The following SMARCC1 variants were observed in gnomAD, a reference collection of about 807,000 sequenced individuals.
SMARCC1 encodes the protein SWI/SNF related BAF chromatin remodeling complex subunit C1.
In SMARCC1, 43 loss-of-function variants were observed where a neutral mutation model predicts 147.4. The ratio of observed to expected loss-of-function variants is 0.29; its 90% CI spans 0.23 to 0.38. The LOEUF (loss-of-function observed/expected upper bound fraction) is 0.38. Ranked by LOEUF, SMARCC1 falls within the 10% of genes least tolerant of loss-of-function variation. The pLI is 1.00. For synonymous variants in SMARCC1, 495 were observed against 484.4 expected, an observed-to-expected ratio of 1.02 and a Z score of -0.29; for missense variants, 1,119 against 1,381.1, an observed-to-expected ratio of 0.81 and a Z score of 3.01.
intron 27 of SMARCC1, among the ~76,000 whole-genome samples, chr3:47,590,372 C>G (rs2108222945): frequency 6.6e-6 from 1 of 152,326 alleles, no homozygotes; most frequent in South Asian, 2.1e-4. Context: ...AGAGTCATAA[C>G]AAGACAGGCT....
At chr3:47,696,821 C>T (rs779483472) in intron 11 of SMARCC1, among the ~76,000 whole-genome samples, 15 of 152,086 alleles carry the variant, frequency 9.9e-5, no homozygotes, top group Non-Finnish European at 1.9e-4. Flanking sequence ...CCGCGCCCAG[C>T]CAAGTGTGAA....
chr3:47,740,628 T>C (rs749229293), intron 3 of SMARCC1, among the ~76,000 whole-genome samples: 10 of 152,060 alleles, frequency 6.6e-5, no homozygotes, highest in Non-Finnish European at 1.0e-4. Flanking sequence ...CATGAGCCAG[T>C]GCGCCGGCCT....
intron 26 of SMARCC1, among the ~76,000 whole-genome samples, chr3:47,602,973 G>C (rs565528486): frequency 1.3e-5 from 2 of 152,138 alleles, no homozygotes; most frequent in East Asian, 3.9e-4. Flanking sequence ...AACATAGTGA[G>C]ACCTTGTCTC....
intron 26 of SMARCC1, among the ~76,000 whole-genome samples, chr3:47,608,353 C>T (rs2032511233): frequency 6.6e-6 from 1 of 152,184 alleles, no homozygotes; most frequent in Admixed American, 6.5e-5. Context: ...TCCCAAAGTG[C>T]TGGAATTACA....
intron 19 of SMARCC1, among the ~76,000 whole-genome samples, chr3:47,668,975 T>C (rs2033460007): frequency 6.6e-6 from 1 of 152,234 alleles, no homozygotes; most frequent in Non-Finnish European, 1.5e-5. Context: ...AGAGACTATA[T>C]TTGATTATAA....
chr3:47,737,103 T>G (rs925355395), intron 4 of SMARCC1, among the ~76,000 whole-genome samples: 1 of 152,132 alleles, frequency 6.6e-6, no homozygotes, highest in Non-Finnish European at 1.5e-5. Flanking sequence ...CTAAATAAAA[T>G]GAAGGCAGGC....
chr3:47,707,728 A>G (rs1234749647), intron 9 of SMARCC1, among the ~76,000 whole-genome samples: 2 of 152,100 alleles, frequency 1.3e-5, no homozygotes, highest in African/African-American at 2.4e-5. Flanking sequence ...AACAAAAAAA[A>G]GTTAGCTGGA....
intron 16 of SMARCC1, among the ~76,000 whole-genome samples, 188 bp from the exon 17 acceptor site, chr3:47,676,970 T>C (rs377415574): frequency 3.9e-5 from 6 of 152,340 alleles, no homozygotes; most frequent in Admixed American, 2.0e-4. Context: ...ACAAGTAATG[T>C]TGATAACACA....
chr3:47,740,863 A>C (rs535635477), intron 3 of SMARCC1, among the ~76,000 whole-genome samples: 16 of 149,524 alleles, frequency 1.1e-4, no homozygotes, highest in African/African-American at 2.8e-4. Flanking sequence ...AAAAAAAAAA[A>C]AAAAAACAAA....
chr3:47,769,150 G>A (rs149794733), intron 2 of SMARCC1, among the ~76,000 whole-genome samples: 1,870 of 141,862 alleles, frequency 0.013, 17 homozygotes, highest in Non-Finnish European at 0.021. Context: ...GGCGGAGGCT[G>A]CAGTGAGCCG....
intron 7 of SMARCC1, among the ~76,000 whole-genome samples, chr3:47,717,003 G>A (rs898150989): frequency 3.3e-5 from 5 of 152,134 alleles, no homozygotes; most frequent in Non-Finnish European, 5.9e-5. Flanking sequence ...TGGTTCACAT[G>A]AGACTGATTA....
At chr3:47,686,298 A>C in intron 13 of SMARCC1, 128 bp from the exon 14 acceptor site, 1 of 731,428 alleles carries the variant, frequency 1.4e-6, no homozygotes, top group Non-Finnish European at 2.1e-6. Flanking sequence ...TATTTGAAAA[A>C]CAAATTTCAA....
At chr3:47,770,369 C>G (rs2034898884) in intron 2 of SMARCC1, among the ~76,000 whole-genome samples, 2 of 152,064 alleles carry the variant, frequency 1.3e-5, no homozygotes. Context: ...ACCTATAATC[C>G]CAGCACTTTG....
intron 3 of SMARCC1, among the ~76,000 whole-genome samples, chr3:47,739,227 T>C (rs7611732): frequency 0.89 from 134,987 of 152,270 alleles, 62,001 homozygotes; most frequent in Non-Finnish European, 1. Flanking sequence ...ATATAACAGC[T>C]TACTGTGGGC....
At chr3:47,645,755 T>G (rs981410542) in intron 21 of SMARCC1, among the ~76,000 whole-genome samples, 1 of 152,202 alleles carries the variant, frequency 6.6e-6, no homozygotes, top group Non-Finnish European at 1.5e-5. Flanking sequence ...CTACACACCA[T>G]CTGTAGGTCC....
intron 17 of SMARCC1, 135 bp from the exon 18 acceptor site, chr3:47,675,723 G>A: frequency 5.7e-6 from 3 of 525,192 alleles, no homozygotes; most frequent in Admixed American, 3.0e-5. Context: ...CGAGGCAGGC[G>A]GATCACAAGG....
chr3:47,669,115 T>G (rs1214885300), intron 19 of SMARCC1, among the ~76,000 whole-genome samples: 1 of 152,236 alleles, frequency 6.6e-6, no homozygotes, highest in Admixed American at 6.5e-5. Flanking sequence ...TTTGTGTTAT[T>G]GCAAACAATT....
intron 22 of SMARCC1, among the ~76,000 whole-genome samples, chr3:47,637,036 T>C (rs960184490): frequency 7.2e-5 from 11 of 152,140 alleles, no homozygotes; most frequent in Admixed American, 6.5e-4. Context: ...TGACTATCAC[T>C]GACTTCATGA....
chr3:47,770,120 C>G (rs1407715712), intron 2 of SMARCC1, among the ~76,000 whole-genome samples: 5 of 151,284 alleles, frequency 3.3e-5, no homozygotes, highest in Admixed American at 3.3e-4. Flanking sequence ...CCCAGCTACT[C>G]GGGAGGCTGA....
Sources: allele counts gnomAD v4.1 joint callset (sites outside exome capture counted in the v4.1 genomes callset), GRCh38; gene constraint gnomAD v4.1.1; transcripts MANE v1.5; gene names NCBI Gene and HGNC (gene_info 2026-07-23, HGNC 2026-07-21).